Variants in RETREG1 observed in about 807,000 individuals in gnomAD.
RETREG1 encodes family with sequence similarity 134 member B.
Under a neutral mutation model 54.8 loss-of-function variants are expected in RETREG1, and 44 were observed. The ratio of observed to expected loss-of-function variants is 0.80; its 90% CI spans 0.63 to 1.03. The LOEUF (loss-of-function observed/expected upper bound fraction) is 1.03, where lower values mean the gene tolerates loss of function less well. RETREG1 is among the 50% of genes least tolerant of loss of function. The probability of loss-of-function intolerance (pLI) is 0.00; values close to 1 mark genes in which losing one functional copy is unlikely to be tolerated. For missense variants in RETREG1, 554 were observed against 605.1 expected, an observed-to-expected ratio of 0.92 and a Z score of 0.89; for synonymous variants, 217 against 238.5, an observed-to-expected ratio of 0.91 and a Z score of 0.83.
chr5:16,565,131 G>A (rs1462780886), intron 3 of RETREG1, among the ~76,000 whole-genome samples: 1 of 152,168 alleles, frequency 6.6e-6, no homozygotes, highest in Non-Finnish European at 1.5e-5. Context: ...TTGGTAGAGT[G>A]CACTGTGGTC....
At chr5:16,504,930 CAATGTAAAATTAAGCCTA>C (rs1455894091) in intron 3 of RETREG1, among the ~76,000 whole-genome samples, 1 of 152,182 alleles carries the variant, frequency 6.6e-6, no homozygotes, top group African/African-American at 2.4e-5. Flanking sequence ...GCTTTGTCAA[CAATGTAAAATTAAGCCTA>C]AAATCTGGCT....
intron 3 of RETREG1, among the ~76,000 whole-genome samples, chr5:16,496,097 C>G (rs1739443692): frequency 6.6e-6 from 1 of 152,056 alleles, no homozygotes; most frequent in Non-Finnish European, 1.5e-5. Flanking sequence ...CTCATCCCCC[C>G]AAACCTTTTT....
At chr5:16,546,556 T>C (rs1579671130) in intron 3 of RETREG1, among the ~76,000 whole-genome samples, 1 of 152,304 alleles carries the variant, frequency 6.6e-6, no homozygotes, top group South Asian at 2.1e-4. Context: ...GCTGTGATAG[T>C]AGAAATAGGA....
At position 16,522,164 on chromosome 5, in the gene RETREG1, G is replaced by A. The variant is rs187890702; in HGVS notation, c.459-38692C>T. ...CATTTTCCAAGAGGAACCAGCTCCT[G>A]GAGAAGCATTTGCTACAAGAAAAGC... On this transcript the variant is annotated intron_variant, in intron 3 of 8. Coordinates refer to ENST00000306320, the MANE Select transcript of RETREG1 (RefSeq NM_001034850.3). Among the ~76,000 whole-genome samples, 1,429 of 152,020 alleles carry A rather than the reference G, an allele frequency of 9.4e-3. 18 individuals are homozygous for A. Among genetic ancestry groups the A allele is most frequent in the Non-Finnish European group, 0.015 (1,049 of 67,980 alleles).
At chr5:16,515,093 A>C (rs1740306520) in intron 3 of RETREG1, among the ~76,000 whole-genome samples, 1 of 151,888 alleles carries the variant, frequency 6.6e-6, no homozygotes. Context: ...TTCATATAAT[A>C]GCTTCTTTTC....
At chr5:16,475,881 T>G (rs976437672) in intron 8 of RETREG1, among the ~76,000 whole-genome samples, 1 of 152,194 alleles carries the variant, frequency 6.6e-6, no homozygotes, top group African/African-American at 2.4e-5. Flanking sequence ...CTAATAGATT[T>G]TATTGTTTTT....
At chr5:16,511,176 C>T (rs1289274299) in intron 3 of RETREG1, among the ~76,000 whole-genome samples, 2 of 152,208 alleles carry the variant, frequency 1.3e-5, no homozygotes, top group African/African-American at 2.4e-5. Context: ...AAACAATACA[C>T]TTTCAGCAAA....
intron 3 of RETREG1, among the ~76,000 whole-genome samples, chr5:16,525,681 G>A (rs17540822): frequency 0.084 from 12,832 of 152,142 alleles, 592 homozygotes; most frequent in African/African-American, 0.099. Context: ...CTGGGGGATA[G>A]AGACTCGGCA....
Position 16,597,430 on chromosome 5 carries a change from A to C in RETREG1, c.320+19222T>G, listed in dbSNP as rs1381286900. 6.6e-6 allele frequency among the ~76,000 whole-genome samples: 1 copy of C among 152,144 alleles called. No individual in the cohort carries two copies. The highest frequency in any genetic ancestry group is 1.5e-5 in the Non-Finnish European group (1 of 68,008). ...ATCATTAAATCCAAAAGCATCATAA[A>C]TCTTAACCCCTAACCTTGGTGCCAC... is the stretch of plus-strand genomic sequence containing the variant. On this transcript the variant is annotated intron_variant, in intron 1 of 8. Transcript: ENST00000306320. The surrounding 1 kb of genome is among the most constrained non-coding windows in gnomAD (Gnocchi z 4.3).
intron 1 of RETREG1, among the ~76,000 whole-genome samples, chr5:16,584,072 A>G (rs762622917): frequency 2.0e-5 from 3 of 152,174 alleles, no homozygotes; most frequent in Admixed American, 2.0e-4. Flanking sequence ...GTTTTCACTC[A>G]TAAGTGGGAG....
intron 3 of RETREG1, among the ~76,000 whole-genome samples, chr5:16,491,388 G>C (rs1739240995): frequency 6.6e-6 from 1 of 152,140 alleles, no homozygotes; most frequent in Non-Finnish European, 1.5e-5. Flanking sequence ...AGGAATTCTT[G>C]GACAGTGCTC....
chr5:16,477,430 T>C (rs1738582312), intron 8 of RETREG1, among the ~76,000 whole-genome samples: 1 of 152,188 alleles, frequency 6.6e-6, no homozygotes, highest in Non-Finnish European at 1.5e-5. Flanking sequence ...ATTCTAGGCA[T>C]TTCATATAAA....
At position 16,556,231 on chromosome 5, in the gene RETREG1, T is replaced by C. The variant is rs370637420; in HGVS notation, c.458+9532A>G. Among the ~76,000 whole-genome samples the C allele has an allele frequency of 1.7e-3, 264 of 151,644 alleles. 1 individual carries two copies. The highest frequency in any genetic ancestry group is 6.0e-3 in the African/African-American group (249 of 41,318). ...TTGAGTGCAGTGGCGTGATCTTGGC[T>C]CACCACAAGCTCCGCCTCCCAGGTT... On this transcript the variant is annotated intron_variant, in intron 3 of 8. Transcript: ENST00000306320.
intron 1 of RETREG1, among the ~76,000 whole-genome samples, chr5:16,584,105 CATA>C (rs146881073): frequency 0.054 from 8,161 of 152,124 alleles, 231 homozygotes; most frequent in African/African-American, 0.065. Flanking sequence ...GACACGAAGG[CATA>C]ATAATGACAA....
At chr5:16,541,011 G>T (rs536267101) in intron 3 of RETREG1, among the ~76,000 whole-genome samples, 1 of 152,244 alleles carries the variant, frequency 6.6e-6, no homozygotes, top group East Asian at 1.9e-4. Flanking sequence ...GATTCCAGAA[G>T]GAATCCCACC....
chr5:16,591,457 T>G lies in RETREG1; in HGVS notation c.321-19355A>C, dbSNP rs187092463. Among the ~76,000 whole-genome samples, 38 of 152,264 alleles carry G rather than the reference T, an allele frequency of 2.5e-4. 1 individual carries two copies. In the East Asian group the frequency reaches 7.1e-3, roughly 29 times the overall value. ...CCCTGATTTGTTAAAAGTGAGTCGC[T>G]GGGGATGTTTGTTTTTAATGCTTTT... On this transcript the variant is annotated intron_variant, in intron 1 of 8. Transcript: ENST00000306320.
At position 16,487,638 on chromosome 5, in the gene RETREG1, G is replaced by A. The variant is rs1000210649; in HGVS notation, c.459-4166C>T. 6.6e-5 allele frequency among the ~76,000 whole-genome samples: 10 copies of A among 152,268 alleles called. No homozygotes were observed. The Middle Eastern group carries it at 0.01, about 155-fold the overall frequency. ...CATCTGGTTAAGTTTTCCTTCTTAC[G>A]GAAAAACTAGTCAGGTGTTTTGATG... On this transcript the variant is annotated intron_variant, in intron 3 of 8. Transcript: ENST00000306320.
chr5:16,501,532 T>TA (rs1739713168), intron 3 of RETREG1, among the ~76,000 whole-genome samples: 2 of 152,178 alleles, frequency 1.3e-5, no homozygotes, highest in African/African-American at 4.8e-5. Flanking sequence ...TTTATTTATT[T>TA]TTTTATTTTT....
rs1343868314 is a variant in RETREG1 at position 16,593,915 on chromosome 5, C to T, written c.321-21813G>A. ...AAAGCCACACCAAATCCGAATACAA[C>T]GAATGTCTGGCCTTCTTTCTAGACA... On this transcript the variant is annotated intron_variant, in intron 1 of 8. Coordinates refer to ENST00000306320, the MANE Select transcript of RETREG1 (RefSeq NM_001034850.3). The surrounding 1 kb of genome is among the most constrained non-coding windows in gnomAD (Gnocchi z 4.9). 2.6e-5 allele frequency among the ~76,000 whole-genome samples: 4 copies of T among 152,212 alleles called. No individual in the cohort carries two copies. The highest frequency in any genetic ancestry group is 1.9e-4 in the East Asian group (1 of 5,204).
Sources: allele counts gnomAD v4.1 joint callset (sites outside exome capture counted in the v4.1 genomes callset), GRCh38; gene constraint gnomAD v4.1.1; non-coding constraint Gnocchi (gnomAD v3.1); transcripts MANE v1.5; gene names NCBI Gene and HGNC (gene_info 2026-07-23, HGNC 2026-07-21).